Variants in TOM1 observed in about 807,000 individuals in gnomAD.
The protein encoded by TOM1 is target of myb1 membrane trafficking protein, also known as target of Myb protein 1.
In TOM1, 38 loss-of-function variants were observed where a neutral mutation model predicts 61.3. The observed-to-expected ratio is 0.62, with a 90% CI of 0.48 to 0.81. The LOEUF is 0.81. TOM1 is among the 40% of genes least tolerant of loss of function. TOM1 has a pLI of 0.00. For synonymous variants in TOM1, 270 were observed against 268.8 expected (o/e 1.00, Z -0.04); for missense variants, 591 against 659.6 (o/e 0.90, Z 1.14).
chr22:35,321,559 C>T (rs778923802), intron 2 of TOM1, among the ~76,000 whole-genome samples: 5 of 152,002 alleles, frequency 3.3e-5, no homozygotes, highest in Admixed American at 1.3e-4. Context: ...CCACCACGCC[C>T]GGCAAATTTT....
At chr22:35,309,959 G>A in intron 1 of TOM1, among the ~76,000 whole-genome samples, 1 of 152,192 alleles carries the variant, frequency 6.6e-6, no homozygotes, top group East Asian at 1.9e-4. Flanking sequence ...GTCTAGAAAA[G>A]CTAAATGCTG....
intron 1 of TOM1, 77 bp from the exon 2 acceptor site, chr22:35,317,800 C>G (rs1243452700): frequency 7.3e-6 from 8 of 1,100,024 alleles, no homozygotes; most frequent in Non-Finnish European, 7.0e-6. Context: ...CCTGCACCCC[C>G]CTCCTCTCCC....
intron 1 of TOM1, among the ~76,000 whole-genome samples, chr22:35,317,498 T>C (rs1927397149): frequency 1.3e-5 from 2 of 152,146 alleles, no homozygotes; most frequent in Non-Finnish European, 2.9e-5. Flanking sequence ...CAAAAGATAA[T>C]TCTAAAGTCA....
intron 9 of TOM1, 62 bp from the exon 10 acceptor site, chr22:35,333,341 TG>T: frequency 6.7e-7 from 1 of 1,488,562 alleles, no homozygotes; most frequent in Non-Finnish European, 9.3e-7. Context: ...CCACAGTGCT[TG>T]GGGCAGAAAG....
chr22:35,319,907 C>T (rs537449541), intron 2 of TOM1, among the ~76,000 whole-genome samples: 1 of 152,356 alleles, frequency 6.6e-6, no homozygotes, highest in East Asian at 1.9e-4. Context: ...AGCCCCCAGG[C>T]AGGCTCTGTC....
chr22:35,315,579 C>T (rs1423851171), intron 1 of TOM1, among the ~76,000 whole-genome samples: 2 of 152,224 alleles, frequency 1.3e-5, no homozygotes, highest in Non-Finnish European at 2.9e-5. Context: ...GTCAGAGGAG[C>T]TTTCCTCATC....
At chr22:35,336,351 G>C (rs1929334113) in intron 11 of TOM1, among the ~76,000 whole-genome samples, 1 of 152,138 alleles carries the variant, frequency 6.6e-6, no homozygotes, top group Non-Finnish European at 1.5e-5. Flanking sequence ...CTGCCAGCTT[G>C]GTGTCCAGCC....
chr22:35,307,630 C>T (rs967744565), intron 1 of TOM1, among the ~76,000 whole-genome samples: 12 of 152,156 alleles, frequency 7.9e-5, no homozygotes, highest in East Asian at 5.8e-4. Flanking sequence ...CTGTGCAAGC[C>T]CTGAGGAGGG....
At chr22:35,313,005 C>T (rs998079212) in intron 1 of TOM1, among the ~76,000 whole-genome samples, 1 of 152,038 alleles carries the variant, frequency 6.6e-6, no homozygotes, top group African/African-American at 2.4e-5. Context: ...AGGATGGGAG[C>T]GAGCGGGCTC....
chr22:35,328,238 C>T lies in TOM1; in HGVS notation c.765+851C>T, dbSNP rs377292047. Among the ~76,000 whole-genome samples, 35 of 152,268 alleles carry T rather than the reference C, an allele frequency of 2.3e-4. 1 individual carries two copies. The South Asian group carries it at 6.8e-3, about 30-fold the overall frequency. ...CCTCAGAGTCCAGTGAATACACAAA[C>T]TTGAAACCCAGTAAGGGCTCCGAAA... is the stretch of plus-strand genomic sequence containing the variant. On this transcript the variant is annotated intron_variant, in intron 7 of 14. Transcript: ENST00000449058.
chr22:35,311,706 A>G (rs886871145), intron 1 of TOM1, among the ~76,000 whole-genome samples: 13 of 152,238 alleles, frequency 8.5e-5, no homozygotes, highest in Non-Finnish European at 1.8e-4. Context: ...AGTTTGGAGC[A>G]CGCAGGCCTG....
chr22:35,333,587 C>A, intron 10 of TOM1, 90 bp downstream of exon 10: 3 of 1,148,450 alleles, frequency 2.6e-6, no homozygotes, highest in East Asian at 2.5e-5. Context: ...GTTATATACC[C>A]ACAGCAGAGT....
chr22:35,305,915 A>AG (rs1300705609), intron 1 of TOM1, among the ~76,000 whole-genome samples: 1 of 152,196 alleles, frequency 6.6e-6, no homozygotes, highest in Non-Finnish European at 1.5e-5. Context: ...AGACTAGACC[A>AG]GGGTCAGTGA....
intron 12 of TOM1, among the ~76,000 whole-genome samples, chr22:35,342,658 C>G (rs1054289155): frequency 3.3e-5 from 5 of 151,770 alleles, no homozygotes; most frequent in African/African-American, 1.2e-4. Flanking sequence ...GCTCACCCCC[C>G]GGTGGGTACC....
chr22:35,300,759 C>A (rs1285322943), intron 1 of TOM1, among the ~76,000 whole-genome samples: 2 of 152,226 alleles, frequency 1.3e-5, no homozygotes, highest in African/African-American at 2.4e-5. Flanking sequence ...GTGACGCAGC[C>A]TCCCTGGGCC....
At chr22:35,327,495 T>C in intron 7 of TOM1, 108 bp downstream of exon 7, 1 of 761,386 alleles carries the variant, frequency 1.3e-6, no homozygotes, top group South Asian at 1.6e-5. Flanking sequence ...TCCATACTCC[T>C]TGGTCACAGT....
intron 2 of TOM1, among the ~76,000 whole-genome samples, chr22:35,319,423 CT>C (rs1184040782): frequency 6.6e-6 from 1 of 152,238 alleles, no homozygotes; most frequent in Non-Finnish European, 1.5e-5. Context: ...GCTAAAGTGT[CT>C]CCCCCACTGG....
intron 12 of TOM1, among the ~76,000 whole-genome samples, chr22:35,341,744 C>T (rs545245749): frequency 6.6e-6 from 1 of 152,280 alleles, no homozygotes; most frequent in East Asian, 1.9e-4. Flanking sequence ...CCTTGCAGCC[C>T]GCCCACAGGG....
rs547606292 is a variant in TOM1, at chr22:35,311,983, G to A, written c.53-5894G>A. On this transcript the variant is annotated intron_variant, in intron 1 of 14. Transcript: ENST00000449058. Reference sequence around the variant, plus strand: ...AGATGAGGGGAGTTCGGCTGGGCACGGTGGCTCACGCCTGTAATCCCAGCA... The same window carrying A: ...AGATGAGGGGAGTTCGGCTGGGCACAGTGGCTCACGCCTGTAATCCCAGCA... 1.6e-4 allele frequency among the ~76,000 whole-genome samples: 24 copies of A among 152,284 alleles called. No individual in the cohort carries two copies. In the South Asian group the frequency reaches 2.3e-3, roughly 14 times the overall value.
Sources: allele counts gnomAD v4.1 joint callset (sites outside exome capture counted in the v4.1 genomes callset), GRCh38; gene constraint gnomAD v4.1.1; transcripts MANE v1.5; gene names NCBI Gene and HGNC (gene_info 2026-07-23, HGNC 2026-07-21).